Variants in DRC11 observed in about 807,000 individuals in gnomAD.
DRC11 encodes dynein regulatory complex subunit 11.
At chr2:236,347,509 T>TCTATATATATATATATATAG in the DRC11 span, among the ~76,000 whole-genome samples, 1 of 117,752 alleles carries the variant, frequency 8.5e-6, no homozygotes, top group East Asian at 2.1e-4. Flanking sequence ...AAAACTGTGC[T>TCTATATATATATATATATAG]ATATATATAT....
the DRC11 span, among the ~76,000 whole-genome samples, chr2:236,443,296 C>T: frequency 6.6e-6 from 1 of 152,030 alleles, no homozygotes; most frequent in Admixed American, 6.5e-5. The surrounding 1 kb of genome is among the most constrained non-coding windows in gnomAD (Gnocchi z 4.4). Flanking sequence ...AGTATTAAGC[C>T]CAGAGTCCAT....
At chr2:236,331,450 C>T in the DRC11 span, 8 of 1,613,826 alleles carry the variant, frequency 5.0e-6, no homozygotes, top group East Asian at 2.2e-5. The surrounding 1 kb of genome is among the most constrained non-coding windows in gnomAD (Gnocchi z 4.8). Flanking sequence ...ATGAATTTGC[C>T]GCCGGATTCT....
At chr2:236,471,398 C>G in the DRC11 span, among the ~76,000 whole-genome samples, 5 of 152,150 alleles carry the variant, frequency 3.3e-5, no homozygotes, top group East Asian at 9.6e-4. This position sits in a 1 kb window ranked among gnomAD's most constrained non-coding sequence, Gnocchi z 4.6. Context: ...TTTACTCTCC[C>G]CTCACAAGAA....
the DRC11 span, among the ~76,000 whole-genome samples, chr2:236,459,406 T>C: frequency 6.6e-6 from 1 of 151,686 alleles, no homozygotes; most frequent in African/African-American, 2.4e-5. Context: ...CTTGGATGAA[T>C]ATTTTAAGGA....
At chr2:236,465,548 C>T in the DRC11 span, 28 of 1,613,996 alleles carry the variant, frequency 1.7e-5, no homozygotes, top group East Asian at 5.6e-4. This position sits in a 1 kb window ranked among gnomAD's most constrained non-coding sequence, Gnocchi z 6.2. Context: ...TGAAGGTTCT[C>T]CTTGATATCC....
At chr2:236,486,331 G>A in the DRC11 span, among the ~76,000 whole-genome samples, 1 of 152,192 alleles carries the variant, frequency 6.6e-6, no homozygotes, top group Non-Finnish European at 1.5e-5. The surrounding 1 kb of genome is among the most constrained non-coding windows in gnomAD (Gnocchi z 5.7). Flanking sequence ...TAGTTAAGGT[G>A]TACCCAGATT....
At chr2:236,432,351 A>G in the DRC11 span, among the ~76,000 whole-genome samples, 15 of 151,832 alleles carry the variant, frequency 9.9e-5, no homozygotes, top group Non-Finnish European at 1.9e-4. Flanking sequence ...TTCTGTAAAT[A>G]TTTTCTCCCA....
chr2:236,422,331 C>T, the DRC11 span, among the ~76,000 whole-genome samples: 772 of 152,288 alleles, frequency 5.1e-3, 15 homozygotes, highest in Admixed American at 0.045. Flanking sequence ...CCAAAATCTC[C>T]TTAAGCTGAT....
the DRC11 span, chr2:236,343,792 T>C: frequency 9.4e-6 from 12 of 1,271,616 alleles, no homozygotes; most frequent in Non-Finnish European, 1.3e-5. The surrounding 1 kb of genome is among the most constrained non-coding windows in gnomAD (Gnocchi z 6.6). Context: ...AAATAATAAA[T>C]GAGTTCTCTG....
the DRC11 span, among the ~76,000 whole-genome samples, chr2:236,400,133 G>A: frequency 6.6e-6 from 1 of 152,178 alleles, no homozygotes; most frequent in African/African-American, 2.4e-5. The surrounding 1 kb of genome is among the most constrained non-coding windows in gnomAD (Gnocchi z 7.9). Context: ...GCTACTCCGA[G>A]TCCTTTGCTG....
chr2:236,424,134 C>T, the DRC11 span, among the ~76,000 whole-genome samples: 10 of 151,600 alleles, frequency 6.6e-5, no homozygotes, highest in South Asian at 2.1e-4. Context: ...CACACCAGCA[C>T]GGCACATGTA....
At chr2:236,385,976 G>A in the DRC11 span, among the ~76,000 whole-genome samples, 1 of 146,082 alleles carries the variant, frequency 6.8e-6, no homozygotes, top group Admixed American at 6.8e-5. Context: ...ATTGATTTGT[G>A]TATATTGAAC....
chr2:236,411,969 C>T, the DRC11 span, among the ~76,000 whole-genome samples: 8 of 150,966 alleles, frequency 5.3e-5, no homozygotes, highest in Admixed American at 2.0e-4. Flanking sequence ...GTGGGTGCAG[C>T]GCACCAGCAT....
At chr2:236,399,595 T>C in the DRC11 span, 1 of 862,286 alleles carries the variant, frequency 1.2e-6, no homozygotes, top group South Asian at 1.5e-5. The surrounding 1 kb of genome is among the most constrained non-coding windows in gnomAD (Gnocchi z 7.0). Flanking sequence ...GGCCCAGTCC[T>C]GGTCCCCCTG....
chr2:236,483,937 G>T, the DRC11 span, among the ~76,000 whole-genome samples: 1 of 152,162 alleles, frequency 6.6e-6, no homozygotes, highest in African/African-American at 2.4e-5. This position sits in a 1 kb window ranked among gnomAD's most constrained non-coding sequence, Gnocchi z 4.8. Flanking sequence ...GGCTTAAATG[G>T]TTAGGTTTAT....
At chr2:236,507,271 T>A in the DRC11 span, 1 of 1,614,026 alleles carries the variant, frequency 6.2e-7, no homozygotes, top group Non-Finnish European at 8.5e-7. Context: ...TCGACATTGC[T>A]GGCTACTTTC....
At chr2:236,357,387 A>T in the DRC11 span, among the ~76,000 whole-genome samples, 1 of 107,354 alleles carries the variant, frequency 9.3e-6, no homozygotes, top group Non-Finnish European at 1.7e-5. Context: ...TATAGTATAG[A>T]TATTATATAG....
chr2:236,351,718 G>A, the DRC11 span, among the ~76,000 whole-genome samples: 34,428 of 152,054 alleles, frequency 0.23, 4,507 homozygotes, highest in African/African-American at 0.36. The surrounding 1 kb of genome is among the most constrained non-coding windows in gnomAD (Gnocchi z 7.3). Flanking sequence ...CAGGCAGGGA[G>A]GTGCTGCGGG....
chr2:236,424,764 C>G, the DRC11 span, among the ~76,000 whole-genome samples: 1 of 151,940 alleles, frequency 6.6e-6, no homozygotes, highest in Non-Finnish European at 1.5e-5. Context: ...ACTTTTTCCT[C>G]CTGTCTAATG....
Sources: gnomAD v4.1 joint callset for allele counts (sites outside exome capture counted in the v4.1 genomes callset) on GRCh38, gnomAD v4.1.1 for gene constraint, Gnocchi (gnomAD v3.1) non-coding constraint, MANE v1.5 for transcripts, NCBI Gene and HGNC (gene_info 2026-07-23, HGNC 2026-07-21) for gene names.